The following ATRNL1 variants were observed in gnomAD, a reference collection of about 807,000 sequenced individuals.
The protein encoded by ATRNL1 is attractin like 1, also known as attractin-like protein 1.
Under a neutral mutation model 182.7 loss-of-function variants are expected in ATRNL1, and 95 were observed. The observed-to-expected ratio is 0.52, with a 90% CI of 0.44 to 0.62. The LOEUF (loss-of-function observed/expected upper bound fraction) is 0.62. Among genes scored for constraint, ATRNL1 ranks in the 20% least tolerant of loss-of-function variants. The probability of loss-of-function intolerance (pLI) is 0.00; values close to 1 mark genes in which losing one functional copy is unlikely to be tolerated. For synonymous variants in ATRNL1, 576 were observed against 568.3 expected (o/e 1.01, Z -0.19); for missense variants, 1,471 against 1,679.5 (o/e 0.88, Z 2.17).
chr10:115,230,902 AGAGAGAGAGAG>A (rs1849905488), intron 9 of ATRNL1, among the ~76,000 whole-genome samples: 1 of 150,144 alleles, frequency 6.7e-6, no homozygotes, highest in African/African-American at 2.5e-5. Flanking sequence ...AGAGAGAGAG[AGAGAGAGAGAG>A]AGAGAGAGAA....
At chr10:115,540,232 C>T (rs186393224) in intron 25 of ATRNL1, among the ~76,000 whole-genome samples, 82 of 152,032 alleles carry the variant, frequency 5.4e-4, no homozygotes, top group African/African-American at 1.8e-3. Context: ...CATTATCATA[C>T]GAAAGAATTG....
chr10:115,331,655 T>C (rs1053500700), intron 18 of ATRNL1, among the ~76,000 whole-genome samples: 16 of 152,194 alleles, frequency 1.1e-4, no homozygotes, highest in Admixed American at 2.0e-4. Context: ...TGTATGTTTA[T>C]TGACAAATTA....
At chr10:115,411,809 T>C (rs1437716728) in intron 20 of ATRNL1, among the ~76,000 whole-genome samples, 2 of 152,168 alleles carry the variant, frequency 1.3e-5, no homozygotes, top group Non-Finnish European at 2.9e-5. Flanking sequence ...CTCAATTTGC[T>C]TTTTTATTAT....
chr10:115,135,124 A>G (rs1343377425), intron 5 of ATRNL1, among the ~76,000 whole-genome samples: 1 of 152,130 alleles, frequency 6.6e-6, no homozygotes, highest in Non-Finnish European at 1.5e-5. Flanking sequence ...GAAAACGGGC[A>G]CAAGACAGGG....
At chr10:115,413,058 A>G (rs1241871003) in intron 20 of ATRNL1, among the ~76,000 whole-genome samples, 1 of 152,212 alleles carries the variant, frequency 6.6e-6, no homozygotes, top group Admixed American at 6.6e-5. Context: ...TCACCTATTT[A>G]TAACAGGTTA....
intron 28 of ATRNL1, among the ~76,000 whole-genome samples, chr10:115,857,285 T>C (rs901122928): frequency 2.0e-5 from 3 of 152,288 alleles, no homozygotes; most frequent in Middle Eastern, 3.4e-3. Context: ...TGAAAAGTTA[T>C]ACAGGGACTT....
intron 8 of ATRNL1, among the ~76,000 whole-genome samples, chr10:115,214,260 T>C (rs868951438): frequency 6.6e-6 from 1 of 151,906 alleles, no homozygotes; most frequent in South Asian, 2.1e-4. Flanking sequence ...GGATCAAGTT[T>C]ATCTTTATTA....
At chr10:115,772,046 CA>C (rs1390189452) in intron 27 of ATRNL1, among the ~76,000 whole-genome samples, 1 of 152,118 alleles carries the variant, frequency 6.6e-6, no homozygotes, top group Non-Finnish European at 1.5e-5. Flanking sequence ...TCAGGATAGA[CA>C]GTCCTTACAA....
intron 21 of ATRNL1, among the ~76,000 whole-genome samples, chr10:115,446,079 A>T (rs975665141): frequency 6.6e-6 from 1 of 152,080 alleles, no homozygotes; most frequent in Non-Finnish European, 1.5e-5. Context: ...TTTATACAAG[A>T]TACTTCCTTT....
At chr10:115,214,041 TACACACACAC>T (rs149167399) in intron 8 of ATRNL1, among the ~76,000 whole-genome samples, 12 of 147,090 alleles carry the variant, frequency 8.2e-5, no homozygotes, top group African/African-American at 2.5e-4. Flanking sequence ...TACAAATATG[TACACACACAC>T]ACACACACAC....
At chr10:115,208,100 G>C (rs782594782) in intron 8 of ATRNL1, among the ~76,000 whole-genome samples, 7 of 151,702 alleles carry the variant, frequency 4.6e-5, no homozygotes, top group Non-Finnish European at 1.0e-4. Context: ...CTAATCTTGT[G>C]CTAATTCTGT....
chr10:115,172,613 T>G (rs979681769), intron 8 of ATRNL1, among the ~76,000 whole-genome samples: 5 of 151,918 alleles, frequency 3.3e-5, no homozygotes, highest in Non-Finnish European at 7.4e-5. Context: ...AATATCTTAC[T>G]TTTCAAGTCC....
chr10:115,894,385 A>G (rs782691747), intron 28 of ATRNL1, among the ~76,000 whole-genome samples: 13 of 152,176 alleles, frequency 8.5e-5, no homozygotes, highest in Admixed American at 2.0e-4. Context: ...TCACCTTTAC[A>G]GAAATCTAAG....
At chr10:115,272,984 T>G (rs1253584399) in intron 13 of ATRNL1, among the ~76,000 whole-genome samples, 1 of 152,206 alleles carries the variant, frequency 6.6e-6, no homozygotes, top group Non-Finnish European at 1.5e-5. Flanking sequence ...AAGGCAAATC[T>G]ATAGCCAGAA....
At chr10:115,488,855 G>A (rs1016243397) in intron 24 of ATRNL1, among the ~76,000 whole-genome samples, 4 of 151,986 alleles carry the variant, frequency 2.6e-5, no homozygotes, top group Non-Finnish European at 1.5e-5. Flanking sequence ...TTCTGTTGTG[G>A]GCATTTAGTG....
At chr10:115,270,159 CAG>C (rs1851780160) in intron 13 of ATRNL1, among the ~76,000 whole-genome samples, 1 of 149,422 alleles carries the variant, frequency 6.7e-6, no homozygotes, top group Non-Finnish European at 1.5e-5. Context: ...ACATGGGAAT[CAG>C]GGACTTGTAT....
At chr10:115,094,495 C>T (rs1236234282) in intron 1 of ATRNL1, among the ~76,000 whole-genome samples, 1 of 152,150 alleles carries the variant, frequency 6.6e-6, no homozygotes, top group African/African-American at 2.4e-5. Context: ...CTCTCTTTCC[C>T]CATTCTCTTC....
chr10:115,456,750 G>A (rs529431148), intron 21 of ATRNL1, among the ~76,000 whole-genome samples: 21 of 152,150 alleles, frequency 1.4e-4, no homozygotes, highest in African/African-American at 4.8e-4. Flanking sequence ...CTCTAATACA[G>A]TATCAACTAA....
intron 21 of ATRNL1, among the ~76,000 whole-genome samples, chr10:115,431,462 G>T (rs74663456): frequency 1.5e-3 from 227 of 151,302 alleles, no homozygotes; most frequent in African/African-American, 5.3e-3. Flanking sequence ...TTCATGTTTT[G>T]GTTTGAATAC....
Sources: allele counts gnomAD v4.1 joint callset (sites outside exome capture counted in the v4.1 genomes callset), GRCh38; gene constraint gnomAD v4.1.1; transcripts MANE v1.5; gene names NCBI Gene and HGNC (gene_info 2026-07-23, HGNC 2026-07-21).